EYS: variants seen among roughly 807,000 people sequenced by gnomAD.
EYS encodes protein eyes shut homolog.
EYS carries 250 observed loss-of-function variants against 282.1 expected under a neutral mutation model. The ratio of observed to expected loss-of-function variants is 0.89; its 90% CI spans 0.80 to 0.98. The LOEUF is 0.98. Ranked by LOEUF, EYS falls within the 50% of genes least tolerant of loss-of-function variation. The pLI is 0.00. For missense variants in EYS, 4,016 were observed against 3,709.0 expected (o/e 1.08, Z -2.15); for synonymous variants, 1,355 against 1,282.9 (o/e 1.06, Z -1.20).
intron 26 of EYS, among the ~76,000 whole-genome samples, chr6:64,563,885 T>C (rs1026894645): frequency 3.3e-5 from 5 of 151,980 alleles, no homozygotes; most frequent in African/African-American, 1.2e-4. Context: ...ACCAAAAATA[T>C]CTACCAGTTT....
At chr6:65,151,712 C>A (rs1337753560) in intron 12 of EYS, among the ~76,000 whole-genome samples, 1 of 151,802 alleles carries the variant, frequency 6.6e-6, no homozygotes. Flanking sequence ...TTTAATTGTA[C>A]TTTGTTTACA....
At chr6:64,844,944 A>G (rs1765674680) in intron 19 of EYS, among the ~76,000 whole-genome samples, 1 of 152,176 alleles carries the variant, frequency 6.6e-6, no homozygotes, top group Non-Finnish European at 1.5e-5. Context: ...TATTAGACAC[A>G]GACACATACC....
At chr6:64,444,222 T>A (rs1400653406) in intron 26 of EYS, among the ~76,000 whole-genome samples, 1 of 152,198 alleles carries the variant, frequency 6.6e-6, no homozygotes, top group East Asian at 1.9e-4. Context: ...GTTAATAATG[T>A]AAAAAGGCTG....
chr6:65,132,079 C>T (rs975293624), intron 12 of EYS, among the ~76,000 whole-genome samples: 3 of 151,742 alleles, frequency 2.0e-5, no homozygotes, highest in African/African-American at 4.8e-5. Context: ...ATAATAAATG[C>T]CCTGTCAACC....
intron 26 of EYS, among the ~76,000 whole-genome samples, chr6:64,532,289 T>C (rs551090861): frequency 4.6e-5 from 7 of 152,316 alleles, no homozygotes; most frequent in African/African-American, 1.4e-4. Context: ...CGTCATAATC[T>C]CATTCTCAAA....
chr6:63,929,951 A>G (rs916990570), intron 35 of EYS, among the ~76,000 whole-genome samples: 9 of 152,342 alleles, frequency 5.9e-5, no homozygotes, highest in African/African-American at 2.2e-4. Flanking sequence ...TGTACTATTA[A>G]TACAATAAAC....
chr6:64,309,977 T>A (rs1283906749), intron 29 of EYS, among the ~76,000 whole-genome samples: 22 of 120,126 alleles, frequency 1.8e-4, no homozygotes, highest in Non-Finnish European at 2.1e-4. Context: ...AAAAAAAAAA[T>A]GCTCAACATC....
At chr6:65,321,361 G>T (rs1769471843) in intron 11 of EYS, among the ~76,000 whole-genome samples, 1 of 151,786 alleles carries the variant, frequency 6.6e-6, no homozygotes, top group Non-Finnish European at 1.5e-5. Context: ...AAATGTACTT[G>T]CTATTTTTCA....
At chr6:63,729,542 C>A (rs1295075966) in intron 41 of EYS, among the ~76,000 whole-genome samples, 1 of 148,966 alleles carries the variant, frequency 6.7e-6, no homozygotes, top group Non-Finnish European at 1.5e-5. Context: ...TTTCTTTTTG[C>A]ATGTGGATGT....
intron 33 of EYS, among the ~76,000 whole-genome samples, chr6:64,037,245 T>G (rs1269326161): frequency 6.6e-6 from 1 of 152,204 alleles, no homozygotes; most frequent in Non-Finnish European, 1.5e-5. Flanking sequence ...ACGGTCCTAT[T>G]AACTTTTTCA....
chr6:64,837,581 A>G (rs568073402), intron 19 of EYS, among the ~76,000 whole-genome samples: 18 of 148,660 alleles, frequency 1.2e-4, no homozygotes, highest in African/African-American at 3.4e-4. Context: ...ATATATAATG[A>G]TATGTATATG....
Position 65,568,828 on chromosome 6 carries a change from T to TA in EYS, c.-333+70949dup, listed in dbSNP as rs1222720430. 2.0e-5 allele frequency among the ~76,000 whole-genome samples: 3 copies of TA among 152,150 alleles called. No homozygotes were observed. The East Asian group carries it at 5.8e-4, about 29-fold the overall frequency. On this transcript the variant is annotated intron_variant, in intron 2 of 42. Coordinates refer to ENST00000503581, the MANE Select transcript of EYS (RefSeq NM_001142800.2). ...GAAGAATTAGAGACAAATGTACGTA[T>TA]AAAAAACACTGATGAAACCACATTT...
At chr6:63,729,796 A>G (rs943399048) in intron 41 of EYS, among the ~76,000 whole-genome samples, 3 of 152,182 alleles carry the variant, frequency 2.0e-5, no homozygotes, top group African/African-American at 7.2e-5. Flanking sequence ...TAAATTTTAT[A>G]ATTCCTCAGG....
chr6:65,586,001 G>C (rs1351665721), intron 2 of EYS, among the ~76,000 whole-genome samples: 1 of 151,944 alleles, frequency 6.6e-6, no homozygotes, highest in African/African-American at 2.4e-5. Context: ...ATAGAAGGAG[G>C]AAAATCAATA....
At chr6:65,406,279 A>G (rs948299505) in intron 5 of EYS, among the ~76,000 whole-genome samples, 1 of 152,078 alleles carries the variant, frequency 6.6e-6, no homozygotes, top group Non-Finnish European at 1.5e-5. Flanking sequence ...CAGCTTTCTT[A>G]TGATTGAGAG....
At chr6:65,276,030 T>C (rs1768037810) in intron 12 of EYS, among the ~76,000 whole-genome samples, 1 of 152,118 alleles carries the variant, frequency 6.6e-6, no homozygotes, top group Admixed American at 6.6e-5. Flanking sequence ...CCTCATTTCA[T>C]GGCAAATGAA....
intron 35 of EYS, among the ~76,000 whole-genome samples, chr6:63,900,063 T>C (rs1773622454): frequency 6.6e-6 from 1 of 152,158 alleles, no homozygotes; most frequent in Admixed American, 6.5e-5. Context: ...AATAATCACG[T>C]AGAGCTACGG....
At chr6:63,960,277 G>A (rs540195795) in intron 35 of EYS, among the ~76,000 whole-genome samples, 4 of 152,284 alleles carry the variant, frequency 2.6e-5, no homozygotes, top group African/African-American at 9.6e-5. Flanking sequence ...TGCAGATGTG[G>A]CTGAAAAAGC....
chr6:65,367,341 C>T (rs1283131365), intron 8 of EYS, among the ~76,000 whole-genome samples: 1 of 151,554 alleles, frequency 6.6e-6, no homozygotes, highest in African/African-American at 2.4e-5. Context: ...AATAACCTGA[C>T]CTTATTTTGT....
Sources: allele counts gnomAD v4.1 joint callset (sites outside exome capture counted in the v4.1 genomes callset), GRCh38; gene constraint gnomAD v4.1.1; transcripts MANE v1.5; gene names NCBI Gene and HGNC (gene_info 2026-07-23, HGNC 2026-07-21).